The following PCDH11X variants were observed in gnomAD, a reference collection of about 807,000 sequenced individuals.
PCDH11X encodes the protein protocadherin-11 X-linked.
Under a neutral mutation model 53.3 loss-of-function variants are expected in PCDH11X, and 18 were observed. The ratio of observed to expected loss-of-function variants is 0.34; its 90% CI spans 0.23 to 0.50. The LOEUF is 0.50. PCDH11X is among the 20% of genes least tolerant of loss of function. PCDH11X has a pLI of 0.98. For synonymous variants in PCDH11X, 279 were observed against 393.3 expected, an observed-to-expected ratio of 0.71 and a Z score of 3.44; for missense variants, 570 against 1,032.4, an observed-to-expected ratio of 0.55 and a Z score of 6.14.
intron 4 of PCDH11X, among the ~76,000 whole-genome samples, chrX:91,820,859 A>C (rs1287553161): frequency 1.9e-5 from 2 of 103,831 alleles, no homozygotes; most frequent in African/African-American, 8.3e-5. Flanking sequence ...ATAAGGTGTA[A>C]GGAAGGGATC....
chrX:92,351,860 C>T (rs1414184707), intron 8 of PCDH11X, among the ~76,000 whole-genome samples: 1 of 111,308 alleles, frequency 9.0e-6, no homozygotes, highest in Non-Finnish European at 1.9e-5. Flanking sequence ...GTTATGATTT[C>T]TTAAGATCAT....
intron 8 of PCDH11X, among the ~76,000 whole-genome samples, chrX:92,323,113 T>C (rs1015592447): frequency 2.7e-5 from 3 of 110,248 alleles, no homozygotes; most frequent in Non-Finnish European, 5.7e-5. Flanking sequence ...ACAAATACTT[T>C]ATAGAGATTT....
rs1217865177 is a variant in PCDH11X, at chrX:92,424,199, T to C, written c.3343+36266T>C. Among the ~76,000 whole-genome samples, 20 of 81,932 alleles carry C rather than the reference T, an allele frequency of 2.4e-4. 1 individual carries two copies. Among genetic ancestry groups the C allele is most frequent in the African/African-American group, 4.5e-4 (11 of 24,243 alleles). The allele number at this position is 81,932 out of a possible 115,157, so 71.1% of individuals were successfully genotyped here. On this transcript the variant is annotated intron_variant, in intron 9 of 10. Coordinates refer to ENST00000682573, the MANE Select transcript of PCDH11X (RefSeq NM_032968.5). ...ATTGGCAAATGTTTTTTTTTTTTTTTCCCTTGAGAATCTCTCATATTTTCC... is the reference window on the plus strand; with the variant it reads ...ATTGGCAAATGTTTTTTTTTTTTTTCCCCTTGAGAATCTCTCATATTTTCC...
chrX:92,343,340 T>C (rs2069811003), intron 8 of PCDH11X, among the ~76,000 whole-genome samples: 1 of 111,835 alleles, frequency 8.9e-6, no homozygotes, highest in South Asian at 3.7e-4. Context: ...CCAAAAGCAC[T>C]TAGAAATTCA....
In PCDH11X at chrX:91,848,118, G is replaced by A. The variant is rs71216362; in HGVS notation, c.540+12074G>A. On this transcript the variant is annotated intron_variant, in intron 5 of 10. Transcript: ENST00000682573. ...GCCTGAAGACAGGATGAGATACAGA[G>A]CCACTTAAGCAGCTTTCCAAAATGA... 1.7e-3 allele frequency among the ~76,000 whole-genome samples: 187 copies of A among 111,773 alleles called. 3 individuals are homozygous for A. In the South Asian group the frequency reaches 0.049, roughly 30 times the overall value.
At chrX:92,234,188 GCTTAAT>G (rs1308663585) in intron 7 of PCDH11X, among the ~76,000 whole-genome samples, 1 of 111,994 alleles carries the variant, frequency 8.9e-6, no homozygotes, top group Non-Finnish European at 1.9e-5. Flanking sequence ...ACACTGAATA[GCTTAAT>G]CTTCATCTTT....
At chrX:91,919,168 T>C (rs948274568) in intron 6 of PCDH11X, among the ~76,000 whole-genome samples, 7 of 111,615 alleles carry the variant, frequency 6.3e-5, no homozygotes, top group African/African-American at 1.9e-4. Flanking sequence ...AATAATGAGC[T>C]GTTTGTTTCT....
intron 6 of PCDH11X, among the ~76,000 whole-genome samples, chrX:92,175,435 A>G (rs1307542775): frequency 9.0e-6 from 1 of 111,168 alleles, no homozygotes; most frequent in Non-Finnish European, 1.9e-5. Flanking sequence ...CATGAAGTGC[A>G]AAACATAATT....
chrX:91,879,695 C>T, intron 6 of PCDH11X: 14 of 784,559 alleles, frequency 1.8e-5, no homozygotes, highest in Non-Finnish European at 2.0e-5. Flanking sequence ...ATTGAGAAGC[C>T]TAGCTTCACT....
intron 9 of PCDH11X, among the ~76,000 whole-genome samples, chrX:92,393,812 G>T (rs2071184382): frequency 9.1e-6 from 1 of 110,436 alleles, no homozygotes; most frequent in South Asian, 3.8e-4. Flanking sequence ...GAGAGAATAA[G>T]GTATACTTGG....
intron 8 of PCDH11X, among the ~76,000 whole-genome samples, chrX:92,356,791 G>A (rs1244190756): frequency 9.9e-6 from 1 of 101,508 alleles, no homozygotes; most frequent in African/African-American, 3.6e-5. Context: ...TTGGAGTAGG[G>A]TCTTTGGCCA....
chrX:91,861,176 G>A (rs1352053833), intron 5 of PCDH11X, among the ~76,000 whole-genome samples: 4 of 111,358 alleles, frequency 3.6e-5, no homozygotes, highest in African/African-American at 1.3e-4. Flanking sequence ...GTCTCTTCGG[G>A]GATTCTATTT....
In PCDH11X at chrX:92,263,119, A is replaced by G; in HGVS notation, c.3120A>G (p.Lys1040=). The G allele has an allele frequency of 3.4e-6, 4 of 1,187,798 alleles. No individual in the cohort carries two copies. Among genetic ancestry groups the G allele is most frequent in the Non-Finnish European group, 4.5e-6 (4 of 880,679 alleles). The change falls in exon 8 of 11, where the codon AAA becomes AAG. Residue 1040 remains lysine (K), a synonymous_variant. Transcript: ENST00000682573. ...EIWIHPQPQR[K]SEGKVAGKSQ... ...TCCATTTTATCCTAAATCAGCGGAA[A>G]TCTGAAGGGAAAGTGGCAGGAAAGG...
chrX:92,070,718 G>A (rs1235178829), intron 6 of PCDH11X, among the ~76,000 whole-genome samples: 1 of 110,996 alleles, frequency 9.0e-6, no homozygotes, highest in African/African-American at 3.3e-5. Context: ...CTCTAGGTTT[G>A]GAAAGTTTTC....
At chrX:92,499,341 A>T (rs1242625964) in intron 10 of PCDH11X, among the ~76,000 whole-genome samples, 1 of 85,840 alleles carries the variant, frequency 1.2e-5, no homozygotes, top group East Asian at 4.2e-4. Flanking sequence ...TTCTATATTA[A>T]TATAATTTTT....
chrX:92,363,450 G>A (rs2070391873), intron 8 of PCDH11X, among the ~76,000 whole-genome samples: 1 of 108,983 alleles, frequency 9.2e-6, no homozygotes, highest in African/African-American at 3.3e-5. Flanking sequence ...TTTTCATATT[G>A]TTCATTGTTA....
chrX:92,322,096 T>C (rs1207238008), intron 8 of PCDH11X, among the ~76,000 whole-genome samples: 2 of 110,042 alleles, frequency 1.8e-5, no homozygotes, highest in Non-Finnish European at 3.8e-5. Flanking sequence ...GCTAATTTAC[T>C]CCGTAGCCTA....
intron 9 of PCDH11X, among the ~76,000 whole-genome samples, chrX:92,400,077 A>C (rs1387511688): frequency 9.4e-6 from 1 of 106,841 alleles, no homozygotes; most frequent in African/African-American, 3.4e-5. Context: ...TATTTGAAAA[A>C]CAATGCACTC....
chrX:92,088,348 A>C (rs74634825), intron 6 of PCDH11X, among the ~76,000 whole-genome samples: 12,120 of 110,837 alleles, frequency 0.11, 713 homozygotes, highest in Admixed American at 0.26. Context: ...TCACTGTTTT[A>C]GATAAAGTAT....
Sources: allele counts gnomAD v4.1 joint callset (sites outside exome capture counted in the v4.1 genomes callset), GRCh38; gene constraint gnomAD v4.1.1; transcripts MANE v1.5; gene names NCBI Gene and HGNC (gene_info 2026-07-23, HGNC 2026-07-21).